The following MYH11 variants were observed in gnomAD, a reference collection of about 807,000 sequenced individuals.
MYH11 encodes myosin heavy chain 11.
A neutral mutation model predicts 246.6 loss-of-function variants in MYH11; 80 were observed. The observed-to-expected ratio is 0.32, with a 90% confidence interval of 0.27 to 0.39. The LOEUF is 0.39. MYH11 is among the 10% of genes least tolerant of loss of function. The pLI, the probability that MYH11 is intolerant of heterozygous loss-of-function variation, is 1.00. For synonymous variants in MYH11, 1,071 were observed against 1,015.5 expected (o/e 1.05, Z -1.04); for missense variants, 2,158 against 2,546.8 (o/e 0.85, Z 3.29).
rs781383630 is a variant in MYH11, at chr16:15,756,299, G to A, written c.1749+42C>T. On this transcript the variant is annotated intron_variant, in intron 14 of 40. Transcript: ENST00000300036. Reference sequence around the variant, plus strand: ...TGTCTCTGCGCTGAGCAGCCACTGGGGGTCCCCTGAGACAGAGTCCCCTGG... The same window carrying A: ...TGTCTCTGCGCTGAGCAGCCACTGGAGGTCCCCTGAGACAGAGTCCCCTGG... 3.1e-6 allele frequency: 5 copies of A among 1,607,736 alleles called. No homozygotes were observed. The African/African-American group carries it at 6.7e-5, about 22-fold the overall frequency.
In MYH11 at chr16:15,703,686, T is replaced by A; in HGVS notation, c.*305A>T. 2.2e-6 allele frequency: 1 copy of A among 456,040 alleles called. No individual in the cohort carries two copies. Among genetic ancestry groups the A allele is most frequent in the Non-Finnish European group, 4.1e-6 (1 of 245,330 alleles). 28.2% of individuals were successfully genotyped at this position (456,040 alleles called of 1,614,324 possible). Reference sequence around the variant, plus strand: ...TCATTGCAGCCTCGAAGTCCTGGGCTGGAGCGTTCTTCCTGGCTCAGCCTC... The same window carrying A: ...TCATTGCAGCCTCGAAGTCCTGGGCAGGAGCGTTCTTCCTGGCTCAGCCTC... On this transcript the variant is annotated 3_prime_UTR_variant, in exon 41 of 41. Transcript: ENST00000300036.
intron 1 of MYH11, 58 bp downstream of exon 1, chr16:15,856,882 AG>A (rs1250498365): frequency 6.6e-6 from 1 of 152,154 alleles, no homozygotes; most frequent in Non-Finnish European, 1.5e-5. Flanking sequence ...AATACCCTAT[AG>A]GACTTTTAAC....
chr16:15,737,011 G>T (rs904975599), intron 25 of MYH11, among the ~76,000 whole-genome samples: 1 of 152,138 alleles, frequency 6.6e-6, no homozygotes, highest in South Asian at 2.1e-4. Flanking sequence ...TGGGTCGGCA[G>T]AAACAAAGGA....
intron 22 of MYH11, 163 bp downstream of exon 22, chr16:15,741,300 C>T (rs2041264198): frequency 2.5e-6 from 2 of 801,818 alleles, no homozygotes; most frequent in Admixed American, 1.9e-5. Context: ...GTTCCAGTCC[C>T]AATCCCAGCT....
At chr16:15,775,629 G>C (rs2042205229) in intron 8 of MYH11, among the ~76,000 whole-genome samples, 1 of 152,230 alleles carries the variant, frequency 6.6e-6, no homozygotes, top group Non-Finnish European at 1.5e-5. Flanking sequence ...GTTCTACAAA[G>C]TCACTGGCAA....
At chr16:15,813,233 G>C (rs1182291559) in intron 3 of MYH11, among the ~76,000 whole-genome samples, 1 of 151,838 alleles carries the variant, frequency 6.6e-6, no homozygotes, top group Non-Finnish European at 1.5e-5. Flanking sequence ...CATCTCTGTA[G>C]TCTCAGCTAC....
intron 1 of MYH11, among the ~76,000 whole-genome samples, chr16:15,848,291 G>T (rs1195376518): frequency 2.8e-5 from 4 of 144,698 alleles, no homozygotes; most frequent in African/African-American, 1.0e-4. Context: ...GGAGTGCAGT[G>T]ACGCAATCTC....
intron 1 of MYH11, among the ~76,000 whole-genome samples, chr16:15,841,693 C>A (rs2044055959): frequency 6.6e-6 from 1 of 152,180 alleles, no homozygotes; most frequent in Admixed American, 6.6e-5. Flanking sequence ...GCCTGTCCGG[C>A]CCCCCGTTCC....
chr16:15,741,737 C>A (rs1395891847), intron 21 of MYH11, 23 bp downstream of exon 21: 13 of 1,614,174 alleles, frequency 8.1e-6, no homozygotes, highest in Admixed American at 1.7e-5. Context: ...CCAGCAACCC[C>A]AGCCATGCAT....
At chr16:15,846,448 C>T (rs215576) in intron 1 of MYH11, among the ~76,000 whole-genome samples, 1 of 152,078 alleles carries the variant, frequency 6.6e-6, no homozygotes, top group African/African-American at 2.4e-5. Flanking sequence ...AATGAGTCTC[C>T]GGTGTGCAAT....
intron 8 of MYH11, among the ~76,000 whole-genome samples, chr16:15,774,942 C>G (rs1189582219): frequency 1.3e-5 from 2 of 152,190 alleles, no homozygotes; most frequent in African/African-American, 2.4e-5. Flanking sequence ...GTCTACAATA[C>G]ACTCCGACAC....
Position 15,745,195 on chromosome 16 carries a change from C to T in MYH11, c.2454G>A (p.Val818=). Reference sequence around the variant, plus strand: ...GGTAGGCGGCGCAGTTCCTCTGAATCACCTTCATGGCGGTCAGCTGCTGCT... The same window carrying T: ...GGTAGGCGGCGCAGTTCCTCTGAATTACCTTCATGGCGGTCAGCTGCTGCT... The part of the protein sequence containing the change: ...KRQQQLTAMK[V]IQRNCAAYLK... Residue 818 remains valine, a synonymous_variant, in exon 20 of 41, where the codon GTG becomes GTA. Coordinates refer to ENST00000300036, the MANE Select transcript of MYH11 (RefSeq NM_002474.3). 1 of 1,614,166 alleles carries T rather than the reference C, an allele frequency of 6.2e-7. No individual in the cohort carries two copies. The highest frequency in any genetic ancestry group is 8.5e-7 in the Non-Finnish European group (1 of 1,180,032).
intron 3 of MYH11, among the ~76,000 whole-genome samples, chr16:15,821,880 T>TGCAGTCC (rs2043421691): frequency 8.8e-6 from 1 of 113,512 alleles, no homozygotes; most frequent in African/African-American, 3.3e-5. Flanking sequence ...ATTGCGCCAC[T>TGCAGTCC]GCAGTCCGCA....
At chr16:15,767,745 G>A (rs888315371) in intron 9 of MYH11, among the ~76,000 whole-genome samples, 3 of 151,998 alleles carry the variant, frequency 2.0e-5, no homozygotes, top group African/African-American at 7.2e-5. Flanking sequence ...TCTTTATGAT[G>A]GACAGAAGAG....
intron 4 of MYH11, among the ~76,000 whole-genome samples, chr16:15,793,615 C>CTTTTTTTTTTT (rs572455483): frequency 3.6e-4 from 34 of 93,822 alleles, no homozygotes; most frequent in African/African-American, 8.3e-4. Context: ...CTTTTCTTTT[C>CTTTTTTTTTTT]TTTTTTTTTT....
chr16:15,812,079 C>G (rs2043150408), intron 3 of MYH11, among the ~76,000 whole-genome samples: 1 of 152,162 alleles, frequency 6.6e-6, no homozygotes, highest in South Asian at 2.1e-4. Context: ...GCTGTCAACA[C>G]TCTGAGATGA....
intron 2 of MYH11, among the ~76,000 whole-genome samples, chr16:15,836,747 G>A (rs1224723014): frequency 9.1e-6 from 1 of 109,470 alleles, no homozygotes; most frequent in African/African-American, 3.6e-5. Flanking sequence ...TTTTTGAGAT[G>A]GAGTTTCGCT....
At chr16:15,731,341 C>T (rs1157231898) in intron 27 of MYH11, among the ~76,000 whole-genome samples, 1 of 152,134 alleles carries the variant, frequency 6.6e-6, no homozygotes, top group East Asian at 1.9e-4. Context: ...TGTCACTTAC[C>T]AGCAGTGTGA....
At chr16:15,740,280 T>C (rs1036092376) in intron 22 of MYH11, 92 bp from the exon 23 acceptor site, 2 of 1,583,460 alleles carry the variant, frequency 1.3e-6, no homozygotes, top group East Asian at 4.5e-5. Context: ...GGGCTAGGCC[T>C]GAAGATGCCC....
Sources: gnomAD v4.1 joint callset for allele counts (sites outside exome capture counted in the v4.1 genomes callset) on GRCh38, gnomAD v4.1.1 for gene constraint, MANE v1.5 for transcripts, NCBI Gene and HGNC (gene_info 2026-07-23, HGNC 2026-07-21) for gene names.